Variants in RIOX1 observed in about 807,000 individuals in gnomAD.
RIOX1 encodes ribosomal oxygenase 1, also known as 60S ribosomal protein L8 histidine hydroxylase.
A neutral mutation model predicts 44.6 loss-of-function variants in RIOX1; 33 were observed. The observed-to-expected ratio is 0.74, with a 90% CI of 0.56 to 0.99. RIOX1 has a LOEUF of 0.99. Ranked by LOEUF, RIOX1 falls within the 50% of genes least tolerant of loss-of-function variation. The pLI is 0.00. For missense variants in RIOX1, 821 were observed against 871.7 expected (o/e 0.94, Z 0.73); for synonymous variants, 387 against 395.8 (o/e 0.98, Z 0.26).
At position 73,491,163 on chromosome 14, in the gene RIOX1, G is replaced by T. The variant is rs1885698020; in HGVS notation, c.146G>T (p.Arg49Leu). Residue 49 changes from arginine (R) to leucine (L), a missense_variant, in exon 1 of 1, where the codon CGC becomes CTC. Around this residue, in one of 2 missense-constraint regions of RIOX1, gnomAD observed 554 missense variants for 531.2 expected, o/e 1.04. Coordinates refer to ENST00000304061, the MANE Select transcript of RIOX1 (RefSeq NM_024644.5). ...AAGCAGCTGCGAAGTGTTGTATCCC[G>T]CATGGCAGCGCTGAGGACGCAGACG... ...IRKQLRSVVS[R>L]MAALRTQTLP... 1.9e-6 allele frequency: 3 copies of T among 1,603,588 alleles called. No homozygotes were observed. The highest frequency in any genetic ancestry group is 1.1e-5 in the South Asian group (1 of 88,948).
chr14:73,493,245 C>A lies in RIOX1; in HGVS notation c.*302C>A. The A allele has an allele frequency of 2.6e-6, 2 of 781,810 alleles. No homozygotes were observed. The highest frequency in any genetic ancestry group is 2.5e-5 in the Admixed American group (1 of 39,746). The allele number at this position is 781,810 out of a possible 1,614,324, so 48.4% of individuals were successfully genotyped here. A position where few individuals can be genotyped will look rare whatever the true frequency, so the allele number is the denominator to read the frequency against. On this transcript the variant is annotated 3_prime_UTR_variant, in exon 1 of 1. Coordinates refer to ENST00000304061, the MANE Select transcript of RIOX1 (RefSeq NM_024644.5). Reference sequence around the variant, plus strand: ...GTGTACTGGGTAACACTGACCATGTCGTTCTGCTTGAGACAGATATTAGAT... The same window carrying A: ...GTGTACTGGGTAACACTGACCATGTAGTTCTGCTTGAGACAGATATTAGAT...
rs1259145777 is a variant in RIOX1, at chr14:73,491,485, G to T, written c.468G>T (p.Ala156=). ...TGCTGTGCACCGCGCAACACTTAGC[G>T]GCCGTCCAGTCGTCCGGGGCCCCTG... is the stretch of plus-strand genomic sequence containing the variant. ...SALLCTAQHL[A]AVQSSGAPAT... The change falls in exon 1 of 1, where the codon GCG becomes GCT. Residue 156 remains alanine (A), a synonymous_variant. Coordinates refer to ENST00000304061, the MANE Select transcript of RIOX1 (RefSeq NM_024644.5). The T allele has an allele frequency of 2.7e-6, 4 of 1,499,550 alleles. No individual in the cohort carries two copies. The highest frequency in any genetic ancestry group is 3.5e-6 in the Non-Finnish European group (4 of 1,130,472). 92.9% of individuals were successfully genotyped at this position (1,499,550 alleles called of 1,614,324 possible).
chr14:73,491,656 G>T lies in RIOX1; in HGVS notation c.639G>T (p.Met213Ile). The T allele has an allele frequency of 6.5e-7, 1 of 1,549,842 alleles. No individual in the cohort carries two copies. Among genetic ancestry groups the T allele is most frequent in the Non-Finnish European group, 8.7e-7 (1 of 1,147,166 alleles). Reference sequence around the variant, plus strand: ...TCTTTGAGTGGCTCATCGCGCCCATGCCGCCAGATCACTTTTACCGGCGCC... The same window carrying T: ...TCTTTGAGTGGCTCATCGCGCCCATTCCGCCAGATCACTTTTACCGGCGCC... ...ARLFEWLIAP[M>I]PPDHFYRRLW... Residue 213 changes from methionine (M) to isoleucine (I), a missense_variant, in exon 1 of 1, where the codon ATG (methionine) becomes ATT (isoleucine). Transcript: ENST00000304061.
At position 73,491,422 on chromosome 14, in the gene RIOX1, G is replaced by T; in HGVS notation, c.405G>T (p.Val135=). 2 of 1,352,760 alleles carry T rather than the reference G, an allele frequency of 1.5e-6. No individual in the cohort carries two copies. The highest frequency in any genetic ancestry group is 1.9e-6 in the Non-Finnish European group (2 of 1,062,598). The allele number at this position is 1,352,760 out of a possible 1,614,324, so 83.8% of individuals were successfully genotyped here. Residue 135 remains valine (V), a synonymous_variant, in exon 1 of 1, where the codon GTG becomes GTT. Transcript: ENST00000304061. ...CGCCGCCCGCGCGCCTGGTGGAGGTGCCCGCCGCGCCGGTCCGGGTGGTGG... is the reference window on the plus strand; with the variant it reads ...CGCCGCCCGCGCGCCTGGTGGAGGTTCCCGCCGCGCCGGTCCGGGTGGTGG... ...ASAPPARLVE[V]PAAPVRVVET...
In RIOX1 at chr14:73,492,649, A is replaced by T; in HGVS notation, c.1632A>T (p.Thr544=). The T allele has an allele frequency of 6.2e-7, 1 of 1,614,028 alleles. No homozygotes were observed. ...EPVNVGAQLT[T]ETEVHMLQDG... Reference sequence around the variant, plus strand: ...TAAACGTGGGGGCCCAGTTGACAACAGAAACAGAAGTCCATATGCTTCAGG... The same window carrying T: ...TAAACGTGGGGGCCCAGTTGACAACTGAAACAGAAGTCCATATGCTTCAGG... Residue 544 remains threonine, a synonymous_variant, in exon 1 of 1, where the codon ACA becomes ACT. Transcript: ENST00000304061. The surrounding 1 kb of genome is among the most constrained non-coding windows in gnomAD (Gnocchi z 4.9).
Position 73,492,513 on chromosome 14 carries a change from A to G in RIOX1, c.1496A>G (p.Asp499Gly). 6.2e-7 allele frequency: 1 copy of G among 1,613,592 alleles called. No homozygotes were observed. Among genetic ancestry groups the G allele is most frequent in the South Asian group, 1.1e-5 (1 of 91,034 alleles). The change falls in exon 1 of 1, where the codon GAC becomes GGC. Residue 499 changes from aspartate to glycine, a missense_variant. Physicochemically the swap from Asp to Gly is moderately conservative, Grantham distance 94. This residue lies in a region of RIOX1 where 267 missense variants were observed against 340.5 expected (regional missense o/e 0.78). Coordinates refer to ENST00000304061, the MANE Select transcript of RIOX1 (RefSeq NM_024644.5). The surrounding 1 kb of genome is among the most constrained non-coding windows in gnomAD (Gnocchi z 4.9). ...TTTGCTCCTGTTGATGCTGTGGCCG[A>G]CCAGCGAGCCAAAGACTTCATTCAC... ...GHFAPVDAVA[D>G]QRAKDFIHDS...
chr14:73,492,699 A>AG lies in RIOX1; in HGVS notation c.1688dup (p.His564ProfsTer30), dbSNP rs1566821256. ...GATGGGATAGCTCGGCTGGTGGGTG[A>AG]GGGGGGCCATTTGTTTCTCTATTAC... On this transcript the variant is annotated frameshift_variant, in exon 1 of 1. Transcript: ENST00000304061. LOFTEE classifies it high-confidence loss of function. The surrounding 1 kb of genome is among the most constrained non-coding windows in gnomAD (Gnocchi z 4.9). The AG allele has an allele frequency of 6.2e-7, 1 of 1,613,944 alleles. No individual in the cohort carries two copies.
rs1285550426 is a variant in RIOX1, at chr14:73,492,368, C to T, written c.1351C>T (p.Arg451Trp). ...QAAMEENVEF[R>W]RGLPRDFMDY... ...TGCAATGGAAGAAAATGTGGAGTTT[C>T]GGAGGGGTCTGCCCCGAGACTTCAT... Residue 451 changes from arginine (R) to tryptophan (W), a missense_variant, in exon 1 of 1, where the codon CGG (arginine) becomes TGG (tryptophan). By Grantham distance (101) the Arg-to-Trp change is moderately radical. Transcript: ENST00000304061. This position sits in a 1 kb window ranked among gnomAD's most constrained non-coding sequence, Gnocchi z 4.9. 1 of 1,613,690 alleles carries T rather than the reference C, an allele frequency of 6.2e-7. No homozygotes were observed. The highest frequency in any genetic ancestry group is 8.5e-7 in the Non-Finnish European group (1 of 1,179,782).
chr14:73,491,044 G>A lies in RIOX1; in HGVS notation c.27G>A (p.Gly9=), dbSNP rs1885682156. ...TGGATGGGCTCCAGGCCAGTGCAGG[G>A]CCGTTGAGGCGCGGGCGGCCGAAGC... MDGLQASA[G]PLRRGRPKRR... The change falls in exon 1 of 1, where the codon GGG becomes GGA. Residue 9 remains glycine (G), a synonymous_variant. Coordinates refer to ENST00000304061, the MANE Select transcript of RIOX1 (RefSeq NM_024644.5). The A allele has an allele frequency of 3.2e-6, 5 of 1,586,798 alleles. No individual in the cohort carries two copies. In the East Asian group the frequency reaches 9.2e-5, roughly 29 times the overall value.
rs948842910 is a variant in RIOX1 at position 73,491,666 on chromosome 14, C to T, written c.649C>T (p.His217Tyr). The T allele has an allele frequency of 1.3e-6, 2 of 1,550,046 alleles. No individual in the cohort carries two copies. Among genetic ancestry groups the T allele is most frequent in the African/African-American group, 1.4e-5 (1 of 73,140 alleles). The change falls in exon 1 of 1, where the codon CAC (histidine) becomes TAC (tyrosine). Residue 217 changes from histidine to tyrosine, a missense_variant. Transcript: ENST00000304061. ...GCTCATCGCGCCCATGCCGCCAGAT[C>T]ACTTTTACCGGCGCCTATGGGAGCG... is the stretch of plus-strand genomic sequence containing the variant. ...EWLIAPMPPD[H>Y]FYRRLWEREA...
chr14:73,491,313 AC>A lies in RIOX1; in HGVS notation c.298del (p.Leu100TrpfsTer56). Reference sequence around the variant, plus strand: ...GCAGCCCGGCGAGAGCCATACGGCCACCTGGGGCCCGCAGAGCTGCTGGAGG... The same window carrying A: ...GCAGCCCGGCGAGAGCCATACGGCCACTGGGGCCCGCAGAGCTGCTGGAGG... ...PDAARREPYGHLGPAELLEAS... is the reference protein window; with the variant it reads ...PDAARREPYGXLGPAELLEAS... On this transcript the variant is annotated frameshift_variant, in exon 1 of 1. Transcript: ENST00000304061. LOFTEE classifies it high-confidence loss of function. 1 of 1,516,780 alleles carries A rather than the reference AC, an allele frequency of 6.6e-7. No homozygotes were observed. The highest frequency in any genetic ancestry group is 8.8e-7 in the Non-Finnish European group (1 of 1,133,572). The allele number at this position is 1,516,780 out of a possible 1,614,324, so 94.0% of individuals were successfully genotyped here.
At position 73,493,022 on chromosome 14, in the gene RIOX1, A is replaced by G; in HGVS notation, c.*79A>G. ...ACCTTTTTTTTTTTTTTTTCCTTAA[A>G]CTCACGTTCTTACCTTGATAAGCAT... is the stretch of plus-strand genomic sequence containing the variant. On this transcript the variant is annotated 3_prime_UTR_variant, in exon 1 of 1. Transcript: ENST00000304061. 1 of 1,542,082 alleles carries G rather than the reference A, an allele frequency of 6.5e-7. No individual in the cohort carries two copies.
In RIOX1 at chr14:73,491,911, C is replaced by T; in HGVS notation, c.894C>T (p.Leu298=). 1 of 1,612,998 alleles carries T rather than the reference C, an allele frequency of 6.2e-7. No homozygotes were observed. Residue 298 remains leucine (L), a synonymous_variant, in exon 1 of 1, where the codon CTC becomes CTT. Coordinates refer to ENST00000304061, the MANE Select transcript of RIOX1 (RefSeq NM_024644.5). ...ACCAGGCCGGCTGCTCCCTGCGTCT[C>T]CTCTGTCCGCAGGCTTTCTCTACTA... ...SLYQAGCSLR[L]LCPQAFSTTV...
Position 73,492,544 on chromosome 14 carries a change from T to A in RIOX1, c.1527T>A (p.Ser509=), listed in dbSNP as rs1341795790. 2 of 1,613,720 alleles carry A rather than the reference T, an allele frequency of 1.2e-6. No homozygotes were observed. The highest frequency in any genetic ancestry group is 1.7e-6 in the Non-Finnish European group (2 of 1,179,828). Residue 509 remains serine, a synonymous_variant, in exon 1 of 1, where the codon TCT becomes TCA. Transcript: ENST00000304061. This position sits in a 1 kb window ranked among gnomAD's most constrained non-coding sequence, Gnocchi z 4.9. The part of the protein sequence containing the change: ...DQRAKDFIHD[S]LPPVLTDRER... Reference sequence around the variant, plus strand: ...GAGCCAAAGACTTCATTCACGATTCTCTGCCCCCTGTTTTGACTGATAGGG... The same window carrying A: ...GAGCCAAAGACTTCATTCACGATTCACTGCCCCCTGTTTTGACTGATAGGG...
At position 73,492,972 on chromosome 14, in the gene RIOX1, G is replaced by C; in HGVS notation, c.*29G>C. 1 of 1,595,876 alleles carries C rather than the reference G, an allele frequency of 6.3e-7. No individual in the cohort carries two copies. ...CTTGTTGATTGCTGGAAACAAGGCA[G>C]TAGTGATTCTCCGCTGCCACTGCTA... is the stretch of plus-strand genomic sequence containing the variant. On this transcript the variant is annotated 3_prime_UTR_variant, in exon 1 of 1. Coordinates refer to ENST00000304061, the MANE Select transcript of RIOX1 (RefSeq NM_024644.5). The surrounding 1 kb of genome is among the most constrained non-coding windows in gnomAD (Gnocchi z 4.9).
rs1250176188 is a variant in RIOX1 at position 73,490,960 on chromosome 14, G to T, written c.-58G>T. 2.3e-6 allele frequency: 3 copies of T among 1,293,308 alleles called. No homozygotes were observed. The highest frequency in any genetic ancestry group is 2.5e-5 in the South Asian group (1 of 39,662). The allele number at this position is 1,293,308 out of a possible 1,614,324, so 80.1% of individuals were successfully genotyped here. On this transcript the variant is annotated 5_prime_UTR_variant, in exon 1 of 1. Transcript: ENST00000304061. ...AGTGCACCGCAGCCGCTGCATTCAG[G>T]AACCGCTTTAGCTTCGCCCCCGGCC...
At position 73,492,925 on chromosome 14, in the gene RIOX1, G is replaced by A. The variant is rs771304403; in HGVS notation, c.1908G>A (p.Met636Ile). Residue 636 changes from methionine to isoleucine, a missense_variant, in exon 1 of 1, where the codon ATG becomes ATA. Met to Ile is a conservative substitution (Grantham distance 10). This residue lies in a region of RIOX1 where 267 missense variants were observed against 340.5 expected (regional missense o/e 0.78). Transcript: ENST00000304061. This position sits in a 1 kb window ranked among gnomAD's most constrained non-coding sequence, Gnocchi z 4.9. ...ATAAGGGGCTGCTGCTCACTAAGAT[G>A]CCTCTAGCCCTAAATTAGTTTCTTG... ...LYDKGLLLTKMPLALN is the reference protein window; with the variant it reads ...LYDKGLLLTKIPLALN The A allele has an allele frequency of 5.6e-6, 9 of 1,613,292 alleles. No individual in the cohort carries two copies. The South Asian group carries it at 9.9e-5, about 18-fold the overall frequency.
At position 73,492,102 on chromosome 14, in the gene RIOX1, C is replaced by T. The variant is rs756784555; in HGVS notation, c.1085C>T (p.Pro362Leu). ...EGRKLWRVYRPRVPTEELALT... is the reference protein window; with the variant it reads ...EGRKLWRVYRLRVPTEELALT... ...AGGAAACTCTGGCGTGTATACCGACCCCGAGTCCCAACCGAGGAACTGGCT... is the reference window on the plus strand; with the variant it reads ...AGGAAACTCTGGCGTGTATACCGACTCCGAGTCCCAACCGAGGAACTGGCT... Residue 362 changes from proline to leucine, a missense_variant, in exon 1 of 1, where the codon CCC becomes CTC. Coordinates refer to ENST00000304061, the MANE Select transcript of RIOX1 (RefSeq NM_024644.5). The surrounding 1 kb of genome is among the most constrained non-coding windows in gnomAD (Gnocchi z 4.9). 5 of 1,613,838 alleles carry T rather than the reference C, an allele frequency of 3.1e-6. No homozygotes were observed. The African/African-American group carries it at 4.0e-5, about 13-fold the overall frequency.
In RIOX1 at chr14:73,491,057, G is replaced by A. The variant is rs762355748; in HGVS notation, c.40G>A (p.Gly14Arg). The A allele has an allele frequency of 6.3e-7, 1 of 1,590,370 alleles. No homozygotes were observed. The highest frequency in any genetic ancestry group is 1.1e-5 in the South Asian group (1 of 87,692). Reference protein sequence around the residue: ...LQASAGPLRRGRPKRRRKPQP... With the variant: ...LQASAGPLRRRRPKRRRKPQP... ...GGCCAGTGCAGGGCCGTTGAGGCGCGGGCGGCCGAAGCGCCGGCGCAAGCC... is the reference window on the plus strand; with the variant it reads ...GGCCAGTGCAGGGCCGTTGAGGCGCAGGCGGCCGAAGCGCCGGCGCAAGCC... Residue 14 changes from glycine to arginine, a missense_variant, in exon 1 of 1, where the codon GGG becomes AGG. This residue lies in a region of RIOX1 where 554 missense variants were observed against 531.2 expected (regional missense o/e 1.04). Transcript: ENST00000304061.
Sources: gnomAD v4.1 joint callset for allele counts on GRCh38, gnomAD v4.1.1 for gene constraint, gnomAD v4.1.1 regional missense constraint, Gnocchi (gnomAD v3.1) non-coding constraint, MANE v1.5 for transcripts, NCBI Gene and HGNC (gene_info 2026-07-23, HGNC 2026-07-21) for gene names.